SLC37A3: variants seen among roughly 807,000 people sequenced by gnomAD.
The protein encoded by SLC37A3 is sugar phosphate exchanger 3.
A neutral mutation model predicts 67.1 loss-of-function variants in SLC37A3; 51 were observed. The ratio of observed to expected loss-of-function variants is 0.76; its 90% CI spans 0.61 to 0.96. The LOEUF is 0.96. Ranked by LOEUF, SLC37A3 falls within the 40% of genes least tolerant of loss-of-function variation. The pLI is 0.00. For synonymous variants in SLC37A3, 214 were observed against 231.4 expected (o/e 0.92, Z 0.68); for missense variants, 508 against 603.0 (o/e 0.84, Z 1.65).
Position 140,362,930 on chromosome 7 carries a change from C to G in SLC37A3, c.375+1478G>C, listed in dbSNP as rs935153051. ...GGGGGGGGTCGGCCAGCCGCCCTGT[C>G]CGGGAGGGAGGTGGCGGGGTCAGCC... On this transcript the variant is annotated intron_variant, in intron 5 of 14. Transcript: ENST00000326232. Among the ~76,000 whole-genome samples, 37 of 78,548 alleles carry G rather than the reference C, an allele frequency of 4.7e-4. 4 individuals are homozygous for G. The highest frequency in any genetic ancestry group is 1.7e-3 in the African/African-American group (36 of 20,934). 51.5% of individuals were successfully genotyped at this position (78,548 alleles called of 152,430 possible).
intron 7 of SLC37A3, 95 bp downstream of exon 7, chr7:140,355,573 T>G: frequency 8.8e-7 from 1 of 1,142,574 alleles, no homozygotes; most frequent in South Asian, 1.3e-5. Context: ...CTACATAGTT[T>G]TAAATGGCCA....
intron 1 of SLC37A3, among the ~76,000 whole-genome samples, chr7:140,385,971 C>T (rs201386379): frequency 6.6e-6 from 1 of 152,012 alleles, no homozygotes; most frequent in Non-Finnish European, 1.5e-5. Context: ...TTAGTAGAGA[C>T]GGGGTTTCAC....
At position 140,398,463 on chromosome 7, in the gene SLC37A3, G is replaced by T. The variant is rs1271059724; in HGVS notation, c.-118C>A. The stretch of plus-strand genomic sequence containing the variant: ...CTCTCCAGCCCCGGCTCCGCTCGCC[G>T]GGTCAGCTTGGCTCCGCTGCCCGCC... On this transcript the variant is annotated 5_prime_UTR_variant, in exon 1 of 15. Coordinates refer to ENST00000326232, the MANE Select transcript of SLC37A3 (RefSeq NM_207113.3). 2 of 152,188 alleles carry T rather than the reference G, an allele frequency of 1.3e-5. No homozygotes were observed. Among genetic ancestry groups the T allele is most frequent in the Admixed American group, 6.6e-5 (1 of 15,240 alleles). 9.4% of individuals were successfully genotyped at this position (152,188 alleles called of 1,614,324 possible).
intron 3 of SLC37A3, among the ~76,000 whole-genome samples, chr7:140,377,888 T>A (rs1045883441): frequency 4.6e-4 from 70 of 152,070 alleles, no homozygotes; most frequent in South Asian, 2.1e-3. Context: ...TTAAAAAAAA[T>A]TTTTTTATTT....
At chr7:140,348,131 A>C (rs1176251261) in intron 10 of SLC37A3, among the ~76,000 whole-genome samples, 2 of 152,260 alleles carry the variant, frequency 1.3e-5, no homozygotes, top group East Asian at 3.8e-4. Context: ...AGAGTAACTG[A>C]AACTTCGAAA....
intron 1 of SLC37A3, among the ~76,000 whole-genome samples, chr7:140,391,526 G>T (rs189149733): frequency 6.6e-6 from 1 of 152,102 alleles, no homozygotes; most frequent in Admixed American, 6.6e-5. Context: ...ACTGCACTCC[G>T]GTCTGGGCGA....
chr7:140,387,217 T>G (rs1411419582), intron 1 of SLC37A3, among the ~76,000 whole-genome samples: 1 of 151,952 alleles, frequency 6.6e-6, no homozygotes, highest in Non-Finnish European at 1.5e-5. Context: ...AGGCCTGTAA[T>G]ATCAGCAATT....
intron 3 of SLC37A3, among the ~76,000 whole-genome samples, chr7:140,377,784 T>G (rs1798090539): frequency 6.6e-6 from 1 of 152,212 alleles, no homozygotes; most frequent in Non-Finnish European, 1.5e-5. Context: ...TAGTCCCAGC[T>G]ACTCAGGAGG....
At position 140,380,322 on chromosome 7, in the gene SLC37A3, G is replaced by A. The variant is rs1263885217; in HGVS notation, c.158C>T (p.Thr53Ile). The stretch of plus-strand genomic sequence containing the variant: ...AACTGACGTGTTAAAAGCACTTGGG[G>A]TCCACTGCTCAGAGATACTGACTTT... ...NVKVSISEQW[T>I]PSAFNTSVEL... is the part of the protein sequence containing the mutation. The change falls in exon 3 of 15, where the codon ACC becomes ATC. Residue 53 changes from threonine to isoleucine, a missense_variant. Thr to Ile is a moderately conservative substitution (Grantham distance 89). Transcript: ENST00000326232. 9 of 1,613,380 alleles carry A rather than the reference G, an allele frequency of 5.6e-6. No individual in the cohort carries two copies. The highest frequency in any genetic ancestry group is 1.1e-5 in the South Asian group (1 of 91,068).
rs181215193 is a variant in SLC37A3, at chr7:140,345,043, T to C, written c.1174+173A>G. 1.5e-3 allele frequency among the ~76,000 whole-genome samples: 233 copies of C among 152,326 alleles called. 1 individual carries two copies. The highest frequency in any genetic ancestry group is 0.01 in the Middle Eastern group (3 of 294). ...TCACAATAGGACTGAGGAGGTCATG[T>C]AAGAAACAGCAGAGAAAAAGAATCT... On this transcript the variant is annotated intron_variant, in intron 12 of 14. Coordinates refer to ENST00000326232, the MANE Select transcript of SLC37A3 (RefSeq NM_207113.3).
At chr7:140,396,438 T>G (rs949701741) in intron 1 of SLC37A3, among the ~76,000 whole-genome samples, 7 of 152,210 alleles carry the variant, frequency 4.6e-5, no homozygotes, top group Non-Finnish European at 1.0e-4. Context: ...TCTTCTTAAA[T>G]TATCTCATTA....
chr7:140,373,054 C>T lies in SLC37A3; in HGVS notation c.199-3372G>A, dbSNP rs186099897. Among the ~76,000 whole-genome samples the T allele has an allele frequency of 7.9e-4, 120 of 152,200 alleles. 2 individuals are homozygous for T. In the East Asian group the frequency reaches 0.012, roughly 15 times the overall value. ...GCGACCTCCGCCTATCGGGTTCAAG[C>T]GATTCTCCTGCCTCAGCCTCCTGAG... On this transcript the variant is annotated intron_variant, in intron 3 of 14. Transcript: ENST00000326232.
chr7:140,352,896 C>T (rs141507279), intron 7 of SLC37A3, among the ~76,000 whole-genome samples: 2 of 152,122 alleles, frequency 1.3e-5, no homozygotes, highest in East Asian at 3.9e-4. Flanking sequence ...ATTTTTAAAC[C>T]GATGAGTGAC....
At chr7:140,360,284 T>G (rs1215861223) in intron 5 of SLC37A3, among the ~76,000 whole-genome samples, 5 of 152,054 alleles carry the variant, frequency 3.3e-5, no homozygotes. Flanking sequence ...AGTTCAAGGC[T>G]GCAGGATCAC....
chr7:140,358,801 A>G lies in SLC37A3; in HGVS notation c.376-16T>C. The G allele has an allele frequency of 1.2e-6, 2 of 1,613,516 alleles. No individual in the cohort carries two copies. Among genetic ancestry groups the G allele is most frequent in the Non-Finnish European group, 1.7e-6 (2 of 1,179,544 alleles). On this transcript the variant is annotated splice_polypyrimidine_tract_variant and intron_variant, in intron 5 of 14. Transcript: ENST00000326232. ...AGACAAACACCTTGAAGAGGAGGAA[A>G]CAAAAGGAATATGTAACAGCCACAC...
chr7:140,392,860 G>A (rs1170063822), intron 1 of SLC37A3, among the ~76,000 whole-genome samples: 1 of 152,182 alleles, frequency 6.6e-6, no homozygotes, highest in African/African-American at 2.4e-5. Flanking sequence ...GGGAGGCTGA[G>A]GTGGGCGGAT....
rs186114695 is a variant in SLC37A3 at position 140,355,120 on chromosome 7, G to A, written c.618+548C>T. ...TATATGTCTTTAGACTCTCCATAGT[G>A]TTTTTGTTACGAATAATTTTTTATG... On this transcript the variant is annotated intron_variant, in intron 7 of 14. Transcript: ENST00000326232. 2.6e-5 allele frequency among the ~76,000 whole-genome samples: 4 copies of A among 151,486 alleles called. No individual in the cohort carries two copies. In the East Asian group the frequency reaches 7.7e-4, roughly 29 times the overall value.
At chr7:140,380,533 G>C in intron 2 of SLC37A3, 143 bp from the exon 3 acceptor site, 1 of 564,278 alleles carries the variant, frequency 1.8e-6, no homozygotes, top group East Asian at 3.3e-5. Flanking sequence ...TAGATTCAGA[G>C]AGGCTCTCTC....
At chr7:140,361,109 G>C (rs1456930767) in intron 5 of SLC37A3, among the ~76,000 whole-genome samples, 5 of 152,064 alleles carry the variant, frequency 3.3e-5, no homozygotes, top group African/African-American at 1.2e-4. Flanking sequence ...GAAGGAGACT[G>C]TGAGTTAGAC....
Sources: gnomAD v4.1 joint callset for allele counts (sites outside exome capture counted in the v4.1 genomes callset) on GRCh38, gnomAD v4.1.1 for gene constraint, MANE v1.5 for transcripts, NCBI Gene and HGNC (gene_info 2026-07-23, HGNC 2026-07-21) for gene names.